The following NOP58 variants were observed in gnomAD, a reference collection of about 807,000 sequenced individuals.
The protein encoded by NOP58 is NOP58 ribonucleoprotein, also known as nucleolar protein 58.
Under a neutral mutation model 71.2 loss-of-function variants are expected in NOP58, and 44 were observed. The ratio of observed to expected loss-of-function variants is 0.62; its 90% CI spans 0.49 to 0.79. The LOEUF (loss-of-function observed/expected upper bound fraction) is 0.79, where lower values mean the gene tolerates loss of function less well. NOP58 is among the 30% of genes least tolerant of loss of function. NOP58 has a pLI of 0.00. For synonymous variants in NOP58, 228 were observed against 200.3 expected (o/e 1.14, Z -1.17); for missense variants, 538 against 620.2 (o/e 0.87, Z 1.41).
rs1688491467 is a variant in NOP58, at chr2:202,270,004, T to C, written c.45+4018T>C. Among the ~76,000 whole-genome samples the C allele has an allele frequency of 3.3e-5, 5 of 152,306 alleles. No homozygotes were observed. The South Asian group carries it at 1.0e-3, about 32-fold the overall frequency. On this transcript the variant is annotated intron_variant, in intron 1 of 14. Transcript: ENST00000264279. ...TTGTGTCACTTCATTTTCTCAAGGT[T>C]TGGAGAAAGATTTTTGATGTACATA...
intron 6 of NOP58, among the ~76,000 whole-genome samples, chr2:202,289,541 C>G (rs916534551): frequency 6.6e-6 from 1 of 152,148 alleles, no homozygotes; most frequent in African/African-American, 2.4e-5. Context: ...CAGCCTCATA[C>G]GTGTTTGCAA....
At chr2:202,302,595 G>T (rs1689113194) in intron 13 of NOP58, among the ~76,000 whole-genome samples, 1 of 152,152 alleles carries the variant, frequency 6.6e-6, no homozygotes, top group African/African-American at 2.4e-5. Context: ...AACCCAGGCC[G>T]TCTGACTTCA....
At position 202,295,712 on chromosome 2, in the gene NOP58, G is replaced by T; in HGVS notation, c.946G>T (p.Val316Phe). 6.2e-7 allele frequency: 1 copy of T among 1,607,330 alleles called. No homozygotes were observed. The highest frequency in any genetic ancestry group is 8.5e-7 in the Non-Finnish European group (1 of 1,177,630). The change falls in exon 10 of 15, where the codon GTT becomes TTT. Residue 316 changes from valine (V) to phenylalanine (F), a missense_variant. Coordinates refer to ENST00000264279, the MANE Select transcript of NOP58 (RefSeq NM_015934.5). ...TTTGGCCAAGCATGCAGCTTCTACCGTTCAGATTCTTGGAGCTGAAAAGGC... is the reference window on the plus strand; with the variant it reads ...TTTGGCCAAGCATGCAGCTTCTACCTTTCAGATTCTTGGAGCTGAAAAGGC... Reference protein sequence around the residue: ...LNLAKHAASTVQILGAEKALF... With the variant: ...LNLAKHAASTFQILGAEKALF...
chr2:202,268,612 G>GT (rs1219645051), intron 1 of NOP58, among the ~76,000 whole-genome samples: 17 of 150,924 alleles, frequency 1.1e-4, no homozygotes, highest in South Asian at 1.1e-3. Flanking sequence ...GAAGTTTTTT[G>GT]TTTTTTTGTT....
intron 8 of NOP58, 37 bp from the exon 9 acceptor site, chr2:202,292,740 T>TA (rs1334647096): frequency 1.3e-6 from 2 of 1,555,540 alleles, no homozygotes; most frequent in South Asian, 1.1e-5. Context: ...TTTTTACTCA[T>TA]ATGATATTTG....
At chr2:202,266,913 G>A (rs1688426268) in intron 1 of NOP58, among the ~76,000 whole-genome samples, 1 of 152,168 alleles carries the variant, frequency 6.6e-6, no homozygotes, top group African/African-American at 2.4e-5. Context: ...AGCTTGCGTT[G>A]TCTATTAGAC....
chr2:202,277,738 C>T (rs187461362), intron 2 of NOP58, among the ~76,000 whole-genome samples: 218 of 152,252 alleles, frequency 1.4e-3, no homozygotes, highest in Non-Finnish European at 2.5e-3. Context: ...CTACAACTTT[C>T]TTTTAATAAT....
At chr2:202,268,191 C>T (rs868781957) in intron 1 of NOP58, among the ~76,000 whole-genome samples, 1 of 152,098 alleles carries the variant, frequency 6.6e-6, no homozygotes, top group Non-Finnish European at 1.5e-5. Context: ...ACATACGGTT[C>T]AAAGTTATTA....
At chr2:202,272,116 CAA>C (rs1688520436) in intron 1 of NOP58, among the ~76,000 whole-genome samples, 2 of 149,414 alleles carry the variant, frequency 1.3e-5, no homozygotes, top group African/African-American at 4.9e-5. Flanking sequence ...AGATGAGTGA[CAA>C]GATGATTTTA....
chr2:202,284,265 T>G (rs1176742940), intron 4 of NOP58, 80 bp from the exon 5 acceptor site: 1 of 1,225,034 alleles, frequency 8.2e-7, no homozygotes, highest in Non-Finnish European at 1.1e-6. Context: ...AGAGTGATAC[T>G]GTGTCTCAAA....
chr2:202,266,145 AC>A (rs1350389864), intron 1 of NOP58, among the ~76,000 whole-genome samples, 159 bp downstream of exon 1: 1 of 152,084 alleles, frequency 6.6e-6, no homozygotes, highest in Non-Finnish European at 1.5e-5. Context: ...GAGCCATGTT[AC>A]GTGTAACACG....
intron 1 of NOP58, among the ~76,000 whole-genome samples, chr2:202,268,806 T>C (rs1440048080): frequency 6.6e-6 from 1 of 151,576 alleles, no homozygotes; most frequent in Non-Finnish European, 1.5e-5. Flanking sequence ...TGACAGGGTT[T>C]CTCCATGTTG....
chr2:202,296,917 TAG>T lies in NOP58; in HGVS notation c.1072-458_1072-457del, dbSNP rs1225534116. Among the ~76,000 whole-genome samples, 5 of 152,110 alleles carry T rather than the reference TAG, an allele frequency of 3.3e-5. No homozygotes were observed. In the East Asian group the frequency reaches 7.8e-4, roughly 24 times the overall value. On this transcript the variant is annotated intron_variant, in intron 10 of 14. Coordinates refer to ENST00000264279, the MANE Select transcript of NOP58 (RefSeq NM_015934.5). ...CCTGGCTAATTTTTTGTATTTTTAG[TAG>T]AGACAGGGTTTCACCGTGTTAGCCA...
chr2:202,267,549 T>G (rs1688438540), intron 1 of NOP58, among the ~76,000 whole-genome samples: 1 of 152,206 alleles, frequency 6.6e-6, no homozygotes, highest in Non-Finnish European at 1.5e-5. Flanking sequence ...TCAATTTTAC[T>G]TTTCTCCAGC....
chr2:202,303,538 G>A lies in NOP58; in HGVS notation c.*102G>A. ...TCTAACGTAATCAAGGGAAGGTTCA[G>A]TAAGACAAAGTGATTTATCATCTAT... On this transcript the variant is annotated 3_prime_UTR_variant, in exon 15 of 15. Coordinates refer to ENST00000264279, the MANE Select transcript of NOP58 (RefSeq NM_015934.5). The A allele has an allele frequency of 2.1e-6, 3 of 1,416,902 alleles. No individual in the cohort carries two copies. The highest frequency in any genetic ancestry group is 2.8e-6 in the Non-Finnish European group (3 of 1,069,382). 87.8% of individuals were successfully genotyped at this position (1,416,902 alleles called of 1,614,324 possible). A position where few individuals can be genotyped will look rare whatever the true frequency, so the allele number is the denominator to read the frequency against.
intron 7 of NOP58, 115 bp from the exon 8 acceptor site, chr2:202,291,005 TTTTTG>T: frequency 1.2e-6 from 1 of 846,374 alleles, no homozygotes; most frequent in Non-Finnish European, 1.8e-6. Flanking sequence ...TTCTTCATTT[TTTTTG>T]TTTTGTTTAG....
chr2:202,296,534 C>T (rs1018257822), intron 10 of NOP58, among the ~76,000 whole-genome samples: 2 of 152,040 alleles, frequency 1.3e-5, no homozygotes, highest in Non-Finnish European at 1.5e-5. Flanking sequence ...ATGTAGGTAT[C>T]TCTATCTTGC....
intron 3 of NOP58, 77 bp from the exon 4 acceptor site, chr2:202,282,274 T>G: frequency 8.1e-7 from 1 of 1,228,612 alleles, no homozygotes; most frequent in Non-Finnish European, 1.1e-6. Context: ...TTTTATTTTT[T>G]TAAGTGTCAA....
At chr2:202,298,398 C>T (rs941403351) in intron 12 of NOP58, among the ~76,000 whole-genome samples, 3 of 152,150 alleles carry the variant, frequency 2.0e-5, no homozygotes, top group African/African-American at 7.2e-5. Flanking sequence ...TGCCTGTAAT[C>T]CCAGCACTTT....
Sources: gnomAD v4.1 joint callset for allele counts (sites outside exome capture counted in the v4.1 genomes callset) on GRCh38, gnomAD v4.1.1 for gene constraint, MANE v1.5 for transcripts, NCBI Gene and HGNC (gene_info 2026-07-23, HGNC 2026-07-21) for gene names.